The following GAS2 variants were observed in gnomAD, a reference collection of about 807,000 sequenced individuals.
GAS2 encodes growth arrest specific 2.
In GAS2, 20 loss-of-function variants were observed where a neutral mutation model predicts 37.5. The ratio of observed to expected loss-of-function variants is 0.53; its 90% CI spans 0.37 to 0.77. GAS2 has a LOEUF of 0.77. Ranked by LOEUF, GAS2 falls within the 30% of genes least tolerant of loss-of-function variation. GAS2 has a pLI of 0.00. For synonymous variants in GAS2, 144 were observed against 132.2 expected, an observed-to-expected ratio of 1.09 and a Z score of -0.61; for missense variants, 336 against 373.4, an observed-to-expected ratio of 0.90 and a Z score of 0.82.
chr11:22,726,537 A>C, intron 4 of GAS2, 104 bp downstream of exon 4: 1 of 902,340 alleles, frequency 1.1e-6, no homozygotes, highest in South Asian at 1.5e-5. Context: ...CATTTTGCAG[A>C]TTATTAGCTT....
chr11:22,649,548 G>A (rs1848745846), intron 1 of GAS2, among the ~76,000 whole-genome samples: 1 of 151,998 alleles, frequency 6.6e-6, no homozygotes, highest in Non-Finnish European at 1.5e-5. Context: ...ATCTGGTCCT[G>A]GACTCTTTTT....
intron 7 of GAS2, among the ~76,000 whole-genome samples, chr11:22,808,005 G>A (rs1263691676): frequency 6.6e-6 from 1 of 152,170 alleles, no homozygotes; most frequent in Non-Finnish European, 1.5e-5. Flanking sequence ...TTAAGACTGG[G>A]AGGGTCAATG....
intron 3 of GAS2, among the ~76,000 whole-genome samples, chr11:22,689,463 C>T (rs1001741482): frequency 5.3e-5 from 8 of 152,064 alleles, no homozygotes; most frequent in African/African-American, 1.9e-4. Flanking sequence ...TAACTTGTGC[C>T]TTACTGTATG....
In GAS2 at chr11:22,649,717, A is replaced by T. The variant is rs11529704; in HGVS notation, c.-21+23904A>T. ...AGTTTATTTGCATAGAGGTGTTTGT[A>T]GTATTCTCTGACGGTAGTTTGTATT... is the stretch of plus-strand genomic sequence containing the variant. On this transcript the variant is annotated intron_variant, in intron 1 of 5. Transcript: ENST00000528582. 3.7e-3 allele frequency among the ~76,000 whole-genome samples: 567 copies of T among 152,292 alleles called. 15 individuals are homozygous for T. In the East Asian group the frequency reaches 0.077, roughly 21 times the overall value.
At chr11:22,643,944 T>A (rs1170414960) in intron 1 of GAS2, among the ~76,000 whole-genome samples, 2 of 152,282 alleles carry the variant, frequency 1.3e-5, no homozygotes, top group South Asian at 4.1e-4. Flanking sequence ...CATATTTTTT[T>A]CATTATTTCT....
In GAS2 at chr11:22,712,801, G is replaced by A. The variant is rs183086713; in HGVS notation, c.268-13491G>A. ...CTAACTTAAATAAATTAAAGGCCGG[G>A]GGCAGTGGCTCATGCCTGTAATTCC... is the stretch of plus-strand genomic sequence containing the variant. On this transcript the variant is annotated intron_variant, in intron 3 of 7. Coordinates refer to ENST00000454584, the MANE Select transcript of GAS2 (RefSeq NM_001143830.3). Among the ~76,000 whole-genome samples, 93 of 152,128 alleles carry A rather than the reference G, an allele frequency of 6.1e-4. 1 individual carries two copies. Among genetic ancestry groups the A allele is most frequent in the Non-Finnish European group, 9.6e-4 (65 of 67,988 alleles).
intron 2 of GAS2, among the ~76,000 whole-genome samples, chr11:22,679,175 T>C (rs1005824731): frequency 6.6e-6 from 1 of 152,048 alleles, no homozygotes; most frequent in Non-Finnish European, 1.5e-5. Context: ...TCCTATTAGG[T>C]TTTTGAATAA....
rs188695693 is a variant in GAS2 at position 22,739,696 on chromosome 11, G to A, written c.473+1928G>A. ...GGAAATGTTCAAGTAAAAGAAATATGGATTGTCTAGAGTTCCTACTTAAAG... is the reference window on the plus strand; with the variant it reads ...GGAAATGTTCAAGTAAAAGAAATATAGATTGTCTAGAGTTCCTACTTAAAG... On this transcript the variant is annotated intron_variant, in intron 5 of 7. Coordinates refer to ENST00000454584, the MANE Select transcript of GAS2 (RefSeq NM_001143830.3). 1.8e-3 allele frequency among the ~76,000 whole-genome samples: 273 copies of A among 151,758 alleles called. 3 individuals are homozygous for A. Among genetic ancestry groups the A allele is most frequent in the African/African-American group, 5.8e-3 (240 of 41,430 alleles).
intron 1 of GAS2, among the ~76,000 whole-genome samples, chr11:22,627,486 G>A (rs1365979225): frequency 1.3e-5 from 2 of 152,150 alleles, no homozygotes; most frequent in East Asian, 1.9e-4. Flanking sequence ...TTTTCAGGCC[G>A]GAGGCAGTGG....
chr11:22,743,263 CT>C (rs1853192672), intron 5 of GAS2, among the ~76,000 whole-genome samples: 1 of 151,840 alleles, frequency 6.6e-6, no homozygotes, highest in African/African-American at 2.4e-5. Context: ...ATTTTAACAC[CT>C]TAATTTTGAA....
rs186816119 is a variant in GAS2, at chr11:22,674,411, T to C, written c.-20-439T>C. Among the ~76,000 whole-genome samples the C allele has an allele frequency of 4.3e-4, 66 of 152,268 alleles. 2 individuals carry two copies. The highest frequency in any genetic ancestry group is 4.1e-3 in the Admixed American group (62 of 15,290). On this transcript the variant is annotated intron_variant, in intron 1 of 7. Coordinates refer to ENST00000454584, the MANE Select transcript of GAS2 (RefSeq NM_001143830.3). ...TATATTTTTAAGGGTAATGATCATG[T>C]GTTTACAGTGAGTTGTAAAAATGCT... is the stretch of plus-strand genomic sequence containing the variant.
chr11:22,735,786 A>G (rs996716133), intron 4 of GAS2, among the ~76,000 whole-genome samples: 4 of 151,870 alleles, frequency 2.6e-5, no homozygotes, highest in Non-Finnish European at 5.9e-5. Context: ...ACATTGACAC[A>G]ATTTAGTCAG....
intron 7 of GAS2, among the ~76,000 whole-genome samples, chr11:22,809,814 A>G (rs1433910232): frequency 6.6e-6 from 1 of 152,094 alleles, no homozygotes; most frequent in Admixed American, 6.5e-5. Flanking sequence ...TTAAAAGTAA[A>G]TATTAGTTCT....
At chr11:22,714,384 C>T (rs901987273) in intron 3 of GAS2, among the ~76,000 whole-genome samples, 14 of 151,924 alleles carry the variant, frequency 9.2e-5, no homozygotes, top group African/African-American at 2.2e-4. Flanking sequence ...AAACAATTAC[C>T]GCTACACATA....
chr11:22,735,372 G>T (rs1022925833), intron 4 of GAS2, among the ~76,000 whole-genome samples: 39 of 151,650 alleles, frequency 2.6e-4, no homozygotes, highest in African/African-American at 8.7e-4. Context: ...ACAAAGAAGT[G>T]AAAGTAAAAC....
At chr11:22,691,119 G>A (rs1357471642) in intron 3 of GAS2, among the ~76,000 whole-genome samples, 2 of 151,974 alleles carry the variant, frequency 1.3e-5, no homozygotes, top group Non-Finnish European at 2.9e-5. Flanking sequence ...GAAGGAGGGG[G>A]CGGGGGGAAA....
At chr11:22,764,557 G>A (rs1854577633) in intron 7 of GAS2, among the ~76,000 whole-genome samples, 1 of 96,552 alleles carries the variant, frequency 1.0e-5, no homozygotes. Flanking sequence ...GCAAGACTCC[G>A]TCTCAAAAAA....
intron 3 of GAS2, among the ~76,000 whole-genome samples, chr11:22,696,500 T>A (rs1382526661): frequency 2.6e-5 from 4 of 152,158 alleles, no homozygotes; most frequent in Non-Finnish European, 5.9e-5. Flanking sequence ...TAGTTCTAGA[T>A]CCCTGAGGAA....
intron 7 of GAS2, among the ~76,000 whole-genome samples, chr11:22,776,879 G>T (rs1855287093): frequency 6.6e-6 from 1 of 152,122 alleles, no homozygotes; most frequent in Non-Finnish European, 1.5e-5. Flanking sequence ...CTGACCTGAA[G>T]TGTGTGGACA....
Sources: gnomAD v4.1 joint callset for allele counts (sites outside exome capture counted in the v4.1 genomes callset) on GRCh38, gnomAD v4.1.1 for gene constraint, MANE v1.5 for transcripts, NCBI Gene and HGNC (gene_info 2026-07-23, HGNC 2026-07-21) for gene names.